TAOK1: variants seen among roughly 807,000 people sequenced by gnomAD.
TAOK1 encodes the protein serine/threonine-protein kinase TAO1.
TAOK1 carries 21 observed loss-of-function variants against 138.3 expected under a neutral mutation model. The observed-to-expected ratio is 0.15, with a 90% CI of 0.11 to 0.22. The LOEUF (loss-of-function observed/expected upper bound fraction) is 0.22. TAOK1 is among the 10% of genes least tolerant of loss of function. The pLI is 1.00. For missense variants in TAOK1, 651 were observed against 1,227.7 expected, an observed-to-expected ratio of 0.53 and a Z score of 7.02; for synonymous variants, 361 against 398.4, an observed-to-expected ratio of 0.91 and a Z score of 1.12.
At chr17:29,521,506 TTAAC>T (rs1351218103) in intron 16 of TAOK1, among the ~76,000 whole-genome samples, 1 of 152,218 alleles carries the variant, frequency 6.6e-6, no homozygotes. Context: ...CACATTTAGT[TTAAC>T]TAAGTGAAGG....
intron 1 of TAOK1, among the ~76,000 whole-genome samples, chr17:29,404,534 G>C (rs532316150): frequency 9.8e-4 from 149 of 152,270 alleles, no homozygotes; most frequent in African/African-American, 3.5e-3. Flanking sequence ...TCTTCCGCCT[G>C]TAATCCCAGC....
chr17:29,461,790 C>T (rs2030538073), intron 2 of TAOK1, among the ~76,000 whole-genome samples: 1 of 151,308 alleles, frequency 6.6e-6, no homozygotes, highest in Admixed American at 6.6e-5. Context: ...GGCCAGGAAA[C>T]TCTCCAATTC....
At chr17:29,513,479 T>C (rs190376856) in intron 15 of TAOK1, 1 of 152,358 alleles carries the variant, frequency 6.6e-6, no homozygotes, top group East Asian at 1.9e-4. Context: ...TTTGTTTAGA[T>C]AATCCTTTAG....
Position 29,542,576 on chromosome 17 carries a change from T to C in TAOK1, c.2560T>C (p.Leu854=). The change falls in exon 20 of 20, where the codon TTG becomes CTG. Residue 854 remains leucine (L), a synonymous_variant. Transcript: ENST00000261716. ...TCTCCAACAGATTGAAGAAGAGATG[T>C]TGGCTTTGCAGAATGAGCGCACAGA... ...LLEQKIEEEM[L]ALQNERTERI... 2 of 1,599,300 alleles carry C rather than the reference T, an allele frequency of 1.3e-6. No individual in the cohort carries two copies. Among genetic ancestry groups the C allele is most frequent in the East Asian group, 4.5e-5 (2 of 44,660 alleles).
At chr17:29,453,850 C>T (rs1279271920) in intron 2 of TAOK1, among the ~76,000 whole-genome samples, 2 of 151,304 alleles carry the variant, frequency 1.3e-5, no homozygotes, top group East Asian at 3.9e-4. Flanking sequence ...CTCTGTTGCC[C>T]AGGCTGGAGT....
At chr17:29,419,040 T>C (rs918825839) in intron 1 of TAOK1, among the ~76,000 whole-genome samples, 16 of 151,882 alleles carry the variant, frequency 1.1e-4, no homozygotes, top group Non-Finnish European at 2.1e-4. Context: ...AGTGGGACCA[T>C]TGATATCCTG....
chr17:29,507,780 T>C, intron 13 of TAOK1, 116 bp from the exon 14 acceptor site: 1 of 935,254 alleles, frequency 1.1e-6, no homozygotes. Flanking sequence ...TGGAATCTGC[T>C]AACATTGGGA....
intron 19 of TAOK1, among the ~76,000 whole-genome samples, chr17:29,537,901 C>T (rs1314072583): frequency 6.6e-6 from 1 of 151,904 alleles, no homozygotes; most frequent in Non-Finnish European, 1.5e-5. Flanking sequence ...ATCACAAGGT[C>T]AGGAGTTCAA....
intron 1 of TAOK1, among the ~76,000 whole-genome samples, chr17:29,407,256 G>C (rs1905020737): frequency 6.6e-6 from 1 of 151,870 alleles, no homozygotes; most frequent in South Asian, 2.1e-4. Flanking sequence ...CAAAGTGCTG[G>C]GATTACAGGC....
intron 1 of TAOK1, among the ~76,000 whole-genome samples, chr17:29,434,559 A>G (rs1057003065): frequency 4.6e-5 from 7 of 152,112 alleles, no homozygotes; most frequent in Non-Finnish European, 1.0e-4. Context: ...AGGTGCCACC[A>G]TGAGTACCAA....
At chr17:29,449,717 T>C (rs60975088) in intron 1 of TAOK1, among the ~76,000 whole-genome samples, 21,229 of 152,086 alleles carry the variant, frequency 0.14, 1,586 homozygotes, top group South Asian at 0.24. Flanking sequence ...GGTGCGTGCC[T>C]GTAGTCCCAG....
chr17:29,428,527 T>G (rs553903771), intron 1 of TAOK1, among the ~76,000 whole-genome samples: 6 of 152,238 alleles, frequency 3.9e-5, no homozygotes, highest in Non-Finnish European at 7.3e-5. Flanking sequence ...TATGGAAATC[T>G]GGCTCTGTTA....
At chr17:29,399,317 TTTTA>T (rs1904765073) in intron 1 of TAOK1, among the ~76,000 whole-genome samples, 2 of 151,758 alleles carry the variant, frequency 1.3e-5, no homozygotes, top group Non-Finnish European at 2.9e-5. Flanking sequence ...TTGGATTTAT[TTTTA>T]TTTATTTATT....
chr17:29,524,525 A>G (rs1338740899), intron 17 of TAOK1, among the ~76,000 whole-genome samples: 2 of 152,246 alleles, frequency 1.3e-5, no homozygotes, highest in African/African-American at 4.8e-5. Flanking sequence ...CTTCGTTATC[A>G]TAGTCAGGCT....
At chr17:29,537,510 T>G (rs968536205) in intron 19 of TAOK1, among the ~76,000 whole-genome samples, 4 of 150,378 alleles carry the variant, frequency 2.7e-5, no homozygotes, top group African/African-American at 9.8e-5. Flanking sequence ...CCACTGATTT[T>G]TTTTTTTTTT....
rs1445641772 is a variant in TAOK1, at chr17:29,498,361, T to A, written c.1043T>A (p.Val348Asp). Residue 348 changes from valine to aspartate, a missense_variant, in exon 12 of 20, where the codon GTT becomes GAT. Val to Asp is a radical substitution (Grantham distance 152, BLOSUM62 -3). Around this residue, in one of 8 missense-constraint regions of TAOK1, gnomAD observed 104 missense variants for 151.7 expected, o/e 0.69. Coordinates refer to ENST00000261716, the MANE Select transcript of TAOK1 (RefSeq NM_020791.4). ...GVGRTGTVNS[V>D]GSNQSIPSMS... is the part of the protein sequence containing the mutation. ...GGCCGGACAGGAACAGTTAATAGTG[T>A]TGGAAGTAATCAATCCATTCCCAGC... 1 of 1,614,016 alleles carries A rather than the reference T, an allele frequency of 6.2e-7. No homozygotes were observed. Among genetic ancestry groups the A allele is most frequent in the Non-Finnish European group, 8.5e-7 (1 of 1,180,020 alleles).
chr17:29,408,711 C>CT (rs916248069), intron 1 of TAOK1, among the ~76,000 whole-genome samples: 17 of 149,342 alleles, frequency 1.1e-4, no homozygotes, highest in African/African-American at 1.7e-4. Context: ...TGATTTCTTT[C>CT]TTTTTTTTTT....
intron 19 of TAOK1, among the ~76,000 whole-genome samples, chr17:29,542,157 G>A (rs754868769): frequency 2.2e-4 from 33 of 152,142 alleles, no homozygotes; most frequent in Non-Finnish European, 4.7e-4. Context: ...GACTACAGGC[G>A]TGAGCCACCG....
In TAOK1 at chr17:29,551,114, T is replaced by C. The variant is rs1303690511; in HGVS notation, c.*8092T>C. On this transcript the variant is annotated 3_prime_UTR_variant, in exon 20 of 20. Transcript: ENST00000261716. The stretch of plus-strand genomic sequence containing the variant: ...CCAGCTGTGGTGGCTAAAGGGAATA[T>C]GTTAATTAAGCAAGAGGTTCTTTTC... 6.6e-6 allele frequency: 1 copy of C among 152,166 alleles called. No homozygotes were observed. Among genetic ancestry groups the C allele is most frequent in the African/African-American group, 2.4e-5 (1 of 41,426 alleles). The allele number at this position is 152,166 out of a possible 1,614,324, so 9.4% of individuals were successfully genotyped here. A position where few individuals can be genotyped will look rare whatever the true frequency, so the allele number is the denominator to read the frequency against.
Sources: gnomAD v4.1 joint callset for allele counts (sites outside exome capture counted in the v4.1 genomes callset) on GRCh38, gnomAD v4.1.1 for gene constraint, gnomAD v4.1.1 regional missense constraint, MANE v1.5 for transcripts, NCBI Gene and HGNC (gene_info 2026-07-23, HGNC 2026-07-21) for gene names.